The following ACVR1 variants were observed in gnomAD, a reference collection of about 807,000 sequenced individuals.
The protein encoded by ACVR1 is activin A receptor type 1.
In ACVR1, 38 loss-of-function variants were observed where a neutral mutation model predicts 57.1. The observed-to-expected ratio is 0.67, with a 90% CI of 0.51 to 0.87. The LOEUF (loss-of-function observed/expected upper bound fraction) is 0.87, where lower values mean the gene tolerates loss of function less well. Among genes scored for constraint, ACVR1 ranks in the 40% least tolerant of loss-of-function variants. ACVR1 has a pLI of 0.00. For missense variants in ACVR1, 463 were observed against 638.2 expected (o/e 0.73, Z 2.96); for synonymous variants, 212 against 228.1 (o/e 0.93, Z 0.63).
At chr2:157,780,189 C>T in intron 4 of ACVR1, 148 bp downstream of exon 4, 1 of 1,162,120 alleles carries the variant, frequency 8.6e-7, no homozygotes, top group Middle Eastern at 2.8e-4. Flanking sequence ...TTCTCTTCTT[C>T]ACCCAGGGTG....
chr2:157,740,172 G>A (rs1328679189), intron 9 of ACVR1, among the ~76,000 whole-genome samples: 12 of 145,026 alleles, frequency 8.3e-5, no homozygotes, highest in Middle Eastern at 3.2e-3. Context: ...GTGACAGAGT[G>A]AGATTCTGTC....
At chr2:157,838,221 A>G (rs551443238) in intron 1 of ACVR1, 4 of 152,272 alleles carry the variant, frequency 2.6e-5, no homozygotes, top group Admixed American at 2.0e-4. Flanking sequence ...CAACAAACGA[A>G]TTCCAACAGG....
chr2:157,871,691 C>A (rs191614230), intron 1 of ACVR1, among the ~76,000 whole-genome samples: 5 of 152,234 alleles, frequency 3.3e-5, no homozygotes, highest in Admixed American at 3.3e-4. Context: ...CACATAAGAG[C>A]CTTTATACAT....
At chr2:157,761,994 G>A (rs1243510112) in intron 8 of ACVR1, among the ~76,000 whole-genome samples, 1 of 152,158 alleles carries the variant, frequency 6.6e-6, no homozygotes, top group Admixed American at 6.5e-5. Context: ...TTTGAATGTG[G>A]GGGATGACAA....
At chr2:157,791,596 C>T (rs1686914418) in intron 3 of ACVR1, among the ~76,000 whole-genome samples, 1 of 152,166 alleles carries the variant, frequency 6.6e-6, no homozygotes, top group Admixed American at 6.5e-5. Context: ...AAGGTGGGTA[C>T]CGTTATTGTT....
chr2:157,850,620 T>C (rs1326015441), intron 1 of ACVR1, among the ~76,000 whole-genome samples: 2 of 152,134 alleles, frequency 1.3e-5, no homozygotes, highest in African/African-American at 4.8e-5. Context: ...TTATGAAATA[T>C]TTGTGATCAA....
At chr2:157,756,253 GA>G (rs1685422134) in intron 9 of ACVR1, among the ~76,000 whole-genome samples, 1 of 152,028 alleles carries the variant, frequency 6.6e-6, no homozygotes, top group Non-Finnish European at 1.5e-5. Context: ...ATTGGCTTAG[GA>G]AAAGACTTCA....
rs1685841891 is a variant in ACVR1 at position 157,765,833 on chromosome 2, T to C, written c.1066+88A>G. 1.4e-5 allele frequency: 19 copies of C among 1,388,122 alleles called. No homozygotes were observed. The South Asian group carries it at 2.1e-4, about 15-fold the overall frequency. 86.0% of individuals were successfully genotyped at this position (1,388,122 alleles called of 1,614,324 possible). A position where few individuals can be genotyped will look rare whatever the true frequency, so the allele number is the denominator to read the frequency against. On this transcript the variant is annotated intron_variant, in intron 8 of 10. Coordinates refer to ENST00000434821, the MANE Select transcript of ACVR1 (RefSeq NM_001111067.4). ...TTTTCTGCATGTTTGAAATTTTGCA[T>C]AACATGTTGTGGGGGAGAGATGCAA...
chr2:157,801,447 A>G (rs1434894726), intron 2 of ACVR1, among the ~76,000 whole-genome samples: 1 of 152,222 alleles, frequency 6.6e-6, no homozygotes, highest in Admixed American at 6.5e-5. Flanking sequence ...GAAGAGTAAG[A>G]AAACAGTAGA....
intron 3 of ACVR1, among the ~76,000 whole-genome samples, chr2:157,792,997 G>A (rs902821156): frequency 6.6e-6 from 1 of 152,162 alleles, no homozygotes; most frequent in Non-Finnish European, 1.5e-5. Context: ...GGAAAGTTCC[G>A]CAGGACAGTT....
chr2:157,816,322 T>C (rs912982931), intron 2 of ACVR1, among the ~76,000 whole-genome samples: 1 of 151,402 alleles, frequency 6.6e-6, no homozygotes, highest in Non-Finnish European at 1.5e-5. Context: ...AATTAACTTT[T>C]ACATAAAATA....
intron 1 of ACVR1, among the ~76,000 whole-genome samples, chr2:157,854,090 T>C (rs1007852506): frequency 1.3e-5 from 2 of 151,918 alleles, no homozygotes; most frequent in African/African-American, 2.4e-5. Flanking sequence ...GAATAGCACC[T>C]TTGGTCTCAG....
intron 9 of ACVR1, among the ~76,000 whole-genome samples, chr2:157,758,659 C>A (rs1031802568): frequency 6.6e-6 from 1 of 151,964 alleles, no homozygotes; most frequent in African/African-American, 2.4e-5. Context: ...ACAGAAAAAT[C>A]CAAGAAACAT....
At chr2:157,772,835 C>T (rs905923168) in intron 6 of ACVR1, among the ~76,000 whole-genome samples, 2 of 152,210 alleles carry the variant, frequency 1.3e-5, no homozygotes, top group African/African-American at 4.8e-5. Context: ...AAGCGAGAAG[C>T]AGCAAACAGT....
intron 9 of ACVR1, among the ~76,000 whole-genome samples, chr2:157,748,548 A>G (rs1427134801): frequency 6.6e-6 from 1 of 152,082 alleles, no homozygotes; most frequent in East Asian, 1.9e-4. Context: ...AACAATTCTC[A>G]AGGGGCATCA....
intron 1 of ACVR1, among the ~76,000 whole-genome samples, chr2:157,821,901 G>GT (rs1437898542): frequency 5.9e-5 from 9 of 152,280 alleles, no homozygotes; most frequent in Admixed American, 3.3e-4. Context: ...TGGGACCTGA[G>GT]TAACAGGCAA....
intron 9 of ACVR1, among the ~76,000 whole-genome samples, chr2:157,741,902 A>G (rs1684787451): frequency 6.6e-6 from 1 of 152,084 alleles, no homozygotes; most frequent in Non-Finnish European, 1.5e-5. Flanking sequence ...AAAGGTCAAG[A>G]GTTTGCAAGG....
At chr2:157,831,632 G>A (rs1559083310) in intron 1 of ACVR1, among the ~76,000 whole-genome samples, 1 of 152,194 alleles carries the variant, frequency 6.6e-6, no homozygotes, top group African/African-American at 2.4e-5. Context: ...CAAAAGTTGA[G>A]AATTCACTGT....
At chr2:157,851,852 G>A (rs1689313863) in intron 1 of ACVR1, among the ~76,000 whole-genome samples, 1 of 143,358 alleles carries the variant, frequency 7.0e-6, no homozygotes, top group Non-Finnish European at 1.5e-5. Flanking sequence ...GAGGGAGACA[G>A]AGAAACACAC....
Sources: allele counts gnomAD v4.1 joint callset (sites outside exome capture counted in the v4.1 genomes callset), GRCh38; gene constraint gnomAD v4.1.1; transcripts MANE v1.5; gene names NCBI Gene and HGNC (gene_info 2026-07-23, HGNC 2026-07-21).